Variants in SP100 observed in about 807,000 individuals in gnomAD.
SP100 encodes nuclear autoantigen Sp-100.
A neutral mutation model predicts 130.0 loss-of-function variants in SP100; 84 were observed. The ratio of observed to expected loss-of-function variants is 0.65; its 90% CI spans 0.54 to 0.77. The LOEUF (loss-of-function observed/expected upper bound fraction) is 0.77. SP100 is among the 30% of genes least tolerant of loss of function. The pLI is 0.00. For synonymous variants in SP100, 331 were observed against 351.7 expected (o/e 0.94, Z 0.66); for missense variants, 978 against 1,052.2 (o/e 0.93, Z 0.97).
chr2:230,508,056 A>C, intron 23 of SP100, 25 bp downstream of exon 23: 3 of 1,612,810 alleles, frequency 1.9e-6, no homozygotes, highest in Non-Finnish European at 2.5e-6. Context: ...ATCTTCTGCC[A>C]ATGTCTCGTC....
At chr2:230,495,697 T>C (rs964516800) in intron 18 of SP100, among the ~76,000 whole-genome samples, 4 of 152,228 alleles carry the variant, frequency 2.6e-5, no homozygotes, top group African/African-American at 9.6e-5. Context: ...TTTATGCTTA[T>C]TGCATTCCTC....
In SP100 at chr2:230,469,672, T is replaced by A. The variant is rs188271141; in HGVS notation, c.1346-343T>A. The A allele has an allele frequency of 1.1e-4, 105 of 938,620 alleles. No individual in the cohort carries two copies. In the African/African-American group the frequency reaches 1.5e-3, roughly 13 times the overall value. The allele number at this position is 938,620 out of a possible 1,614,324, so 58.1% of individuals were successfully genotyped here. A position where few individuals can be genotyped will look rare whatever the true frequency, so the allele number is the denominator to read the frequency against. Reference sequence around the variant, plus strand: ...AGGAAAAGAGAGCTTTGGGGTTATATACATTTGCATTCATTGGTCTTCTTA... The same window carrying A: ...AGGAAAAGAGAGCTTTGGGGTTATAAACATTTGCATTCATTGGTCTTCTTA... On this transcript the variant is annotated intron_variant, in intron 14 of 28. Coordinates refer to ENST00000340126, the MANE Select transcript of SP100 (RefSeq NM_001080391.2).
chr2:230,445,791 G>A (rs2063685524), intron 4 of SP100, among the ~76,000 whole-genome samples: 1 of 152,128 alleles, frequency 6.6e-6, no homozygotes, highest in African/African-American at 2.4e-5. Flanking sequence ...TCCATGGACT[G>A]CAGGGATCCC....
chr2:230,434,832 T>C (rs1446029334), intron 2 of SP100, among the ~76,000 whole-genome samples: 6 of 152,038 alleles, frequency 3.9e-5, no homozygotes, highest in African/African-American at 1.5e-4. Flanking sequence ...TCTGGTGTAG[T>C]CAAGAAACAG....
In SP100 at chr2:230,544,852, C is replaced by T. The variant is rs1282745488; in HGVS notation, c.*1906C>T. On this transcript the variant is annotated 3_prime_UTR_variant, in exon 29 of 29. Coordinates refer to ENST00000340126, the MANE Select transcript of SP100 (RefSeq NM_001080391.2). ...GTTTTAAAAGCTCAATATCACTGAT[C>T]GTTAGAGACATGCAAATTAAAACTA... Among the ~76,000 whole-genome samples the T allele has an allele frequency of 1.3e-5, 2 of 152,198 alleles. No homozygotes were observed. The highest frequency in any genetic ancestry group is 2.4e-5 in the African/African-American group (1 of 41,460).
chr2:230,425,222 C>G (rs2062890647), intron 2 of SP100, among the ~76,000 whole-genome samples: 1 of 152,140 alleles, frequency 6.6e-6, no homozygotes, highest in African/African-American at 2.4e-5. Context: ...ACTATAGTTT[C>G]CATACTACAC....
At chr2:230,511,100 C>G in intron 23 of SP100, 25 bp from the exon 24 acceptor site, 3 of 1,530,506 alleles carry the variant, frequency 2.0e-6, no homozygotes, top group Non-Finnish European at 2.7e-6. Context: ...CAATATTGTA[C>G]CAATCTTTCT....
chr2:230,470,223 A>G, intron 15 of SP100, 125 bp downstream of exon 15: 11 of 1,354,278 alleles, frequency 8.1e-6, no homozygotes, highest in Non-Finnish European at 1.1e-5. Flanking sequence ...TCATCTGGGA[A>G]CTCCTTTTTG....
intron 4 of SP100, 121 bp from the exon 5 acceptor site, chr2:230,446,698 A>G (rs2063725628): frequency 1.6e-6 from 1 of 620,926 alleles, no homozygotes; most frequent in African/African-American, 1.9e-5. Flanking sequence ...ACTTTAGGTC[A>G]TGTGGAACCC....
chr2:230,446,949 C>A, intron 5 of SP100, 47 bp downstream of exon 5: 1 of 1,149,068 alleles, frequency 8.7e-7, no homozygotes, highest in Non-Finnish European at 1.3e-6. Context: ...GGTTAGGGAT[C>A]CAAGGTTCTG....
At chr2:230,468,268 A>G (rs2149986048) in intron 13 of SP100, among the ~76,000 whole-genome samples, 1 of 152,350 alleles carries the variant, frequency 6.6e-6, no homozygotes, top group South Asian at 2.1e-4. Flanking sequence ...GATGTACTTC[A>G]AAGTTCAAAA....
chr2:230,469,199 T>C (rs989159504), intron 14 of SP100, 103 bp downstream of exon 14: 2 of 762,890 alleles, frequency 2.6e-6, no homozygotes, highest in Admixed American at 2.6e-5. Context: ...AATTAATTTG[T>C]TGGGATTTTA....
chr2:230,459,985 A>G (rs2064501544), intron 8 of SP100, among the ~76,000 whole-genome samples: 1 of 152,192 alleles, frequency 6.6e-6, no homozygotes, highest in Non-Finnish European at 1.5e-5. Context: ...TCGCCCTTTC[A>G]TGCCACATTC....
intron 24 of SP100, among the ~76,000 whole-genome samples, chr2:230,524,948 G>A (rs1365534012): frequency 6.6e-6 from 1 of 152,144 alleles, no homozygotes; most frequent in Non-Finnish European, 1.5e-5. Context: ...TAATTCAGAG[G>A]TTATCTGAAG....
intron 17 of SP100, among the ~76,000 whole-genome samples, chr2:230,479,102 C>T (rs1203214975): frequency 1.3e-5 from 2 of 152,062 alleles, no homozygotes; most frequent in Admixed American, 6.6e-5. Flanking sequence ...ATTACAGGCG[C>T]GAGCCACCGT....
At chr2:230,449,178 C>G (rs375184368) in intron 6 of SP100, 28 bp downstream of exon 6, 7 of 1,611,822 alleles carry the variant, frequency 4.3e-6, no homozygotes, top group Non-Finnish European at 5.9e-6. Flanking sequence ...ACTCTTTGAG[C>G]CTCTGCTATT....
At chr2:230,444,380 A>G in intron 4 of SP100, 34 bp downstream of exon 4, 1 of 1,571,996 alleles carries the variant, frequency 6.4e-7, no homozygotes, top group Non-Finnish European at 8.7e-7. Context: ...TTTTATTTCC[A>G]GGGCCAAGTT....
intron 1 of SP100, among the ~76,000 whole-genome samples, 158 bp from the exon 2 acceptor site, chr2:230,417,433 T>C (rs1377511877): frequency 6.6e-6 from 1 of 152,232 alleles, no homozygotes; most frequent in Non-Finnish European, 1.5e-5. Flanking sequence ...TTTTAAATTG[T>C]TCACATTTAC....
chr2:230,501,267 G>C (rs1380279413), intron 19 of SP100, among the ~76,000 whole-genome samples: 1 of 151,906 alleles, frequency 6.6e-6, no homozygotes. Context: ...AATAAAGGGG[G>C]TTGGGGGGAA....
Sources: allele counts gnomAD v4.1 joint callset (sites outside exome capture counted in the v4.1 genomes callset), GRCh38; gene constraint gnomAD v4.1.1; transcripts MANE v1.5; gene names NCBI Gene and HGNC (gene_info 2026-07-23, HGNC 2026-07-21).